The following GPR158 variants were observed in gnomAD, a reference collection of about 807,000 sequenced individuals.
GPR158 encodes the protein G protein-coupled receptor 158, also known as metabotropic glycine receptor.
A neutral mutation model predicts 78.2 loss-of-function variants in GPR158; 30 were observed. The observed-to-expected ratio is 0.38, with a 90% confidence interval of 0.29 to 0.52. The LOEUF (loss-of-function observed/expected upper bound fraction) is 0.52. GPR158 is among the 20% of genes least tolerant of loss of function. The pLI is 0.83. For missense variants in GPR158, 1,463 were observed against 1,523.5 expected (o/e 0.96, Z 0.66); for synonymous variants, 581 against 591.1 (o/e 0.98, Z 0.25).
At chr10:25,181,487 C>G (rs1054873472) in intron 1 of GPR158, among the ~76,000 whole-genome samples, 3 of 152,136 alleles carry the variant, frequency 2.0e-5, no homozygotes, top group African/African-American at 7.2e-5. Flanking sequence ...TGTTTCTAAT[C>G]ATTATGAAGG....
chr10:25,465,029 G>C (rs1835403892), intron 4 of GPR158, among the ~76,000 whole-genome samples: 3 of 152,094 alleles, frequency 2.0e-5, no homozygotes, highest in African/African-American at 7.2e-5. Flanking sequence ...ATTAATGCAA[G>C]CCCTGAGTTT....
intron 1 of GPR158, among the ~76,000 whole-genome samples, chr10:25,184,269 GTTCATGGCA>G (rs1310381614): frequency 1.3e-5 from 2 of 152,112 alleles, no homozygotes; most frequent in Non-Finnish European, 2.9e-5. Context: ...TGAGATTATA[GTTCATGGCA>G]TTCCTAGGCT....
At chr10:25,300,859 C>A (rs1303528917) in intron 2 of GPR158, among the ~76,000 whole-genome samples, 2 of 151,910 alleles carry the variant, frequency 1.3e-5, no homozygotes, top group Non-Finnish European at 2.9e-5. Flanking sequence ...GAGAGAGAAA[C>A]CTTATTAGAC....
At chr10:25,197,972 A>C (rs1307925143) in intron 1 of GPR158, among the ~76,000 whole-genome samples, 1 of 152,196 alleles carries the variant, frequency 6.6e-6, no homozygotes, top group East Asian at 1.9e-4. Context: ...GCAGCTAAAC[A>C]TGATTATAGT....
intron 2 of GPR158, among the ~76,000 whole-genome samples, chr10:25,380,375 A>G (rs1201702429): frequency 2.6e-5 from 4 of 152,174 alleles, no homozygotes; most frequent in East Asian, 1.9e-4. Flanking sequence ...TGCGTTTTAT[A>G]AAACTGAAAT....
At chr10:25,186,400 CA>C (rs1215578448) in intron 1 of GPR158, among the ~76,000 whole-genome samples, 1 of 151,860 alleles carries the variant, frequency 6.6e-6, no homozygotes, top group Admixed American at 6.6e-5. Context: ...GATAGAGACA[CA>C]AAAAACCCTT....
At chr10:25,525,576 G>T (rs981250555) in intron 5 of GPR158, among the ~76,000 whole-genome samples, 2 of 152,158 alleles carry the variant, frequency 1.3e-5, no homozygotes, top group Non-Finnish European at 2.9e-5. Flanking sequence ...ACCATGGATT[G>T]CATGATTCCA....
intron 5 of GPR158, among the ~76,000 whole-genome samples, chr10:25,478,493 C>CTTGTGTGT (rs1051229392): frequency 1.9e-4 from 28 of 145,190 alleles, no homozygotes; most frequent in African/African-American, 6.7e-4. Flanking sequence ...ATATATAATG[C>CTTGTGTGT]GTGTGTGTGT....
At chr10:25,576,556 C>A (rs1837099645) in intron 7 of GPR158, among the ~76,000 whole-genome samples, 1 of 152,034 alleles carries the variant, frequency 6.6e-6, no homozygotes. Flanking sequence ...GGAAAGAGGA[C>A]ATAGAGAGTA....
At chr10:25,442,840 T>A (rs1835086427) in intron 4 of GPR158, among the ~76,000 whole-genome samples, 1 of 152,134 alleles carries the variant, frequency 6.6e-6, no homozygotes, top group Admixed American at 6.6e-5. Context: ...TTCCACTGAT[T>A]GTTATAGTAC....
chr10:25,399,753 A>T (rs1834415653), intron 3 of GPR158, among the ~76,000 whole-genome samples: 1 of 152,194 alleles, frequency 6.6e-6, no homozygotes, highest in Non-Finnish European at 1.5e-5. Context: ...ATCATCGAAG[A>T]ACTACTCAAT....
chr10:25,433,538 GTGTGTGTGT>G (rs1363256018), intron 4 of GPR158, among the ~76,000 whole-genome samples: 1 of 93,020 alleles, frequency 1.1e-5, no homozygotes, highest in Admixed American at 9.7e-5. Flanking sequence ...AGGGGTGTGT[GTGTGTGTGT>G]TGTGTGTGTG....
At chr10:25,312,534 T>C (rs562917934) in intron 2 of GPR158, among the ~76,000 whole-genome samples, 31 of 152,162 alleles carry the variant, frequency 2.0e-4, no homozygotes, top group South Asian at 1.7e-3. Flanking sequence ...ATCTTTAATC[T>C]GAATAACCAT....
At chr10:25,232,780 C>A (rs1344560890) in intron 2 of GPR158, among the ~76,000 whole-genome samples, 2 of 152,122 alleles carry the variant, frequency 1.3e-5, no homozygotes, top group African/African-American at 2.4e-5. Context: ...TTATTTTTGT[C>A]ATTTGAAGCC....
intron 2 of GPR158, among the ~76,000 whole-genome samples, chr10:25,366,987 TG>T (rs1478526798): frequency 1.3e-5 from 2 of 151,774 alleles, no homozygotes; most frequent in Admixed American, 6.6e-5. Context: ...TACTTTTTCC[TG>T]TTCTATAGCT....
At chr10:25,370,854 G>T (rs1170160520) in intron 2 of GPR158, among the ~76,000 whole-genome samples, 1 of 151,842 alleles carries the variant, frequency 6.6e-6, no homozygotes, top group Non-Finnish European at 1.5e-5. Context: ...GGATGCTCCT[G>T]TATTGGGTAC....
At chr10:25,393,261 C>G (rs533684602) in intron 2 of GPR158, among the ~76,000 whole-genome samples, 3 of 152,278 alleles carry the variant, frequency 2.0e-5, no homozygotes, top group African/African-American at 7.2e-5. Context: ...GTCACTGTTG[C>G]AGTGCTGAGT....
intron 5 of GPR158, among the ~76,000 whole-genome samples, chr10:25,530,746 A>C (rs1836412501): frequency 6.6e-6 from 1 of 152,224 alleles, no homozygotes; most frequent in South Asian, 2.1e-4. Flanking sequence ...AGGAAGTGAC[A>C]GGAAACAGGT....
intron 2 of GPR158, among the ~76,000 whole-genome samples, chr10:25,230,426 T>C (rs879903590): frequency 3.9e-5 from 6 of 152,300 alleles, no homozygotes; most frequent in Admixed American, 3.9e-4. Flanking sequence ...ATACCTAAAA[T>C]GGTATGACAG....
Sources: gnomAD v4.1 joint callset for allele counts (sites outside exome capture counted in the v4.1 genomes callset) on GRCh38, gnomAD v4.1.1 for gene constraint, MANE v1.5 for transcripts, NCBI Gene and HGNC (gene_info 2026-07-23, HGNC 2026-07-21) for gene names.